The following CHRM3 variants were observed in gnomAD, a reference collection of about 807,000 sequenced individuals.
CHRM3 encodes the protein cholinergic receptor muscarinic 3.
A neutral mutation model predicts 41.8 loss-of-function variants in CHRM3; 11 were observed. The ratio of observed to expected loss-of-function variants is 0.26; its 90% CI spans 0.17 to 0.44. CHRM3 has a LOEUF of 0.44. CHRM3 is among the 20% of genes least tolerant of loss of function. The pLI, the probability that CHRM3 is intolerant of heterozygous loss-of-function variation, is 1.00. For synonymous variants in CHRM3, 297 were observed against 301.4 expected, an observed-to-expected ratio of 0.99 and a Z score of 0.15; for missense variants, 571 against 745.4, an observed-to-expected ratio of 0.77 and a Z score of 2.72.
At chr1:239,596,760 C>G (rs1664826456) in intron 3 of CHRM3, among the ~76,000 whole-genome samples, 1 of 152,070 alleles carries the variant, frequency 6.6e-6, no homozygotes, top group Non-Finnish European at 1.5e-5. Context: ...ATCTCTGAGG[C>G]CCAGGTGATT....
intron 5 of CHRM3, among the ~76,000 whole-genome samples, chr1:239,691,085 A>T (rs2147985642): frequency 6.6e-6 from 1 of 152,174 alleles, no homozygotes; most frequent in East Asian, 1.9e-4. Context: ...CTCTAATGGG[A>T]GGCGTCATGA....
intron 1 of CHRM3, among the ~76,000 whole-genome samples, chr1:239,491,234 C>A (rs1297706981): frequency 2.0e-5 from 3 of 152,134 alleles, no homozygotes; most frequent in Admixed American, 6.5e-5. Flanking sequence ...TAAAAATATA[C>A]AATAAATTGT....
At chr1:239,437,786 A>G (rs1197576671) in intron 1 of CHRM3, among the ~76,000 whole-genome samples, 1 of 152,200 alleles carries the variant, frequency 6.6e-6, no homozygotes, top group Non-Finnish European at 1.5e-5. Flanking sequence ...AGAACAACTC[A>G]GGAGATCTGA....
In CHRM3 at chr1:239,499,155, G is replaced by C. The variant is rs78981083; in HGVS notation, c.-422+6348G>C. Among the ~76,000 whole-genome samples, 1,470 of 152,224 alleles carry C rather than the reference G, an allele frequency of 9.7e-3. 35 individuals carry two copies. The highest frequency in any genetic ancestry group is 0.034 in the African/African-American group (1,408 of 41,544). Reference sequence around the variant, plus strand: ...AATAAAGGGTGAATTTCTTCAACTTGATAGGTTACTTCTGACGATTTCATG... The same window carrying C: ...AATAAAGGGTGAATTTCTTCAACTTCATAGGTTACTTCTGACGATTTCATG... On this transcript the variant is annotated intron_variant, in intron 2 of 6. Transcript: ENST00000676153.
chr1:239,770,606 C>T (rs941732984), intron 5 of CHRM3, among the ~76,000 whole-genome samples: 2 of 152,052 alleles, frequency 1.3e-5, no homozygotes, highest in Admixed American at 6.6e-5. Context: ...AAGGACTGAG[C>T]GGAAGATGAC....
chr1:239,794,986 T>A (rs925653402), intron 5 of CHRM3, among the ~76,000 whole-genome samples: 1 of 152,204 alleles, frequency 6.6e-6, no homozygotes, highest in Admixed American at 6.5e-5. Flanking sequence ...GATCCACACG[T>A]GAGAATAGAT....
rs527355307 is a variant in CHRM3 at position 239,513,719 on chromosome 1, G to C, written c.-422+20912G>C. On this transcript the variant is annotated intron_variant, in intron 2 of 6. Transcript: ENST00000676153. ...CAATTGCCATATCCAAGGTCATCTA[G>C]AGTTTCTCCGTTGTTATCTTTTAGG... is the stretch of plus-strand genomic sequence containing the variant. 6.6e-5 allele frequency among the ~76,000 whole-genome samples: 10 copies of C among 152,206 alleles called. No homozygotes were observed. The South Asian group carries it at 2.1e-3, about 32-fold the overall frequency.
At chr1:239,422,902 G>A (rs140310673) in intron 1 of CHRM3, among the ~76,000 whole-genome samples, 4 of 152,290 alleles carry the variant, frequency 2.6e-5, no homozygotes, top group African/African-American at 9.6e-5. Context: ...GAGAGCAATG[G>A]TCGGATAGAA....
chr1:239,777,501 G>T (rs771197128), intron 5 of CHRM3, among the ~76,000 whole-genome samples: 7 of 152,188 alleles, frequency 4.6e-5, no homozygotes, highest in Non-Finnish European at 1.0e-4. Flanking sequence ...AATGGCAATG[G>T]AAACTTCAGG....
At chr1:239,394,012 T>C (rs1243210193) in intron 1 of CHRM3, among the ~76,000 whole-genome samples, 1 of 152,182 alleles carries the variant, frequency 6.6e-6, no homozygotes, top group Non-Finnish European at 1.5e-5. Flanking sequence ...ATCTTTCATA[T>C]CAGTATCATC....
rs573875485 is a variant in CHRM3 at position 239,639,834 on chromosome 1, C to G, written c.-250+7548C>G. Among the ~76,000 whole-genome samples, 119 of 146,654 alleles carry G rather than the reference C, an allele frequency of 8.1e-4. 1 individual carries two copies. Among genetic ancestry groups the G allele is most frequent in the African/African-American group, 2.9e-3 (116 of 39,550 alleles). Reference sequence around the variant, plus strand: ...GAGTGGTGAGAGAGGGCATCCCTGTCTTGTGCCAGTTTTCAAAGGGAATGC... The same window carrying G: ...GAGTGGTGAGAGAGGGCATCCCTGTGTTGTGCCAGTTTTCAAAGGGAATGC... On this transcript the variant is annotated intron_variant, in intron 4 of 6. Transcript: ENST00000676153.
chr1:239,520,374 A>G (rs1159036194), intron 2 of CHRM3, among the ~76,000 whole-genome samples: 2 of 152,040 alleles, frequency 1.3e-5, no homozygotes, highest in Non-Finnish European at 2.9e-5. Flanking sequence ...ATTTCTCATG[A>G]ATCGTTTGGC....
At chr1:239,861,297 A>G (rs981446002) in intron 6 of CHRM3, among the ~76,000 whole-genome samples, 2 of 152,168 alleles carry the variant, frequency 1.3e-5, no homozygotes, top group Non-Finnish European at 2.9e-5. Context: ...GAGAGCTTAT[A>G]ATGGGACATT....
chr1:239,699,445 A>T (rs1660488538), intron 5 of CHRM3, among the ~76,000 whole-genome samples: 1 of 152,096 alleles, frequency 6.6e-6, no homozygotes, highest in Non-Finnish European at 1.5e-5. Context: ...GGTCATGTGA[A>T]AATGTGTTGA....
At chr1:239,434,542 T>C (rs1663078953) in intron 1 of CHRM3, among the ~76,000 whole-genome samples, 1 of 152,244 alleles carries the variant, frequency 6.6e-6, no homozygotes, top group South Asian at 2.1e-4. Flanking sequence ...TGTTGGTTTC[T>C]TTATATGGGT....
At chr1:239,618,759 G>A (rs1183195543) in intron 3 of CHRM3, among the ~76,000 whole-genome samples, 1 of 148,856 alleles carries the variant, frequency 6.7e-6, no homozygotes, top group Non-Finnish European at 1.5e-5. Context: ...CAGGAGAATG[G>A]CGTGAACCCG....
At chr1:239,407,550 A>G (rs1339160112) in intron 1 of CHRM3, among the ~76,000 whole-genome samples, 1 of 152,062 alleles carries the variant, frequency 6.6e-6, no homozygotes, top group Admixed American at 6.6e-5. Context: ...TATTGCAGAA[A>G]GGAAAACTGA....
rs758367429 is a variant in CHRM3 at position 239,909,255 on chromosome 1, C to T, written c.*31C>T. Reference sequence around the variant, plus strand: ...GGTTGTATCAATAGCAGTGACAAAACGCACACATCAACCCACAGACCTTAG... The same window carrying T: ...GGTTGTATCAATAGCAGTGACAAAATGCACACATCAACCCACAGACCTTAG... On this transcript the variant is annotated 3_prime_UTR_variant, in exon 7 of 7. Transcript: ENST00000676153. 5.0e-5 allele frequency: 79 copies of T among 1,567,264 alleles called. No homozygotes were observed. In the South Asian group the frequency reaches 7.2e-4, roughly 14 times the overall value.
At chr1:239,460,786 C>T (rs1665300478) in intron 1 of CHRM3, among the ~76,000 whole-genome samples, 1 of 152,120 alleles carries the variant, frequency 6.6e-6, no homozygotes, top group Admixed American at 6.6e-5. Flanking sequence ...AAATTATAGT[C>T]TTTCAGTGAT....
Sources: gnomAD v4.1 joint callset for allele counts (sites outside exome capture counted in the v4.1 genomes callset) on GRCh38, gnomAD v4.1.1 for gene constraint, MANE v1.5 for transcripts, NCBI Gene and HGNC (gene_info 2026-07-23, HGNC 2026-07-21) for gene names.